LSAMP: variants seen among roughly 807,000 people sequenced by gnomAD.
The protein encoded by LSAMP is limbic system-associated membrane protein.
In LSAMP, 7 loss-of-function variants were observed where a neutral mutation model predicts 38.6. The ratio of observed to expected loss-of-function variants is 0.18; its 90% CI spans 0.10 to 0.34. The LOEUF is 0.34. Among genes scored for constraint, LSAMP ranks in the 10% least tolerant of loss-of-function variants. The pLI, the probability that LSAMP is intolerant of heterozygous loss-of-function variation, is 1.00. For missense variants in LSAMP, 313 were observed against 420.0 expected, an observed-to-expected ratio of 0.75 and a Z score of 2.23; for synonymous variants, 154 against 166.8, an observed-to-expected ratio of 0.92 and a Z score of 0.59.
At chr3:116,133,225 T>A (rs1709173241) in intron 1 of LSAMP, among the ~76,000 whole-genome samples, 1 of 152,106 alleles carries the variant, frequency 6.6e-6, no homozygotes. Context: ...ACTTGGTGAA[T>A]CTCTTTCCAC....
chr3:116,204,986 C>T lies in LSAMP; in HGVS notation c.156-118430G>A, dbSNP rs1274797015. On this transcript the variant is annotated intron_variant, in intron 1 of 6. Transcript: ENST00000490035. ...GGATGGCATTGAATCTGTAAATTAC[C>T]TTGGGCAGTATGGCCATTTTCACGA... 3.5e-5 allele frequency among the ~76,000 whole-genome samples: 5 copies of T among 143,194 alleles called. 1 individual carries two copies. Among genetic ancestry groups the T allele is most frequent in the African/African-American group, 1.3e-4 (5 of 39,374 alleles). The allele number at this position is 143,194 out of a possible 152,430, so 93.9% of individuals were successfully genotyped here.
At chr3:116,200,777 AC>A (rs1460598776) in intron 1 of LSAMP, among the ~76,000 whole-genome samples, 1 of 152,158 alleles carries the variant, frequency 6.6e-6, no homozygotes, top group Non-Finnish European at 1.5e-5. Flanking sequence ...AAGCAACCAA[AC>A]AAAAAGCAAG....
chr3:116,224,453 C>T (rs2046321035), intron 1 of LSAMP, among the ~76,000 whole-genome samples: 2 of 152,178 alleles, frequency 1.3e-5, no homozygotes, highest in African/African-American at 2.4e-5. Flanking sequence ...AACTCACTGG[C>T]AGATTGCAAT....
chr3:116,168,224 ATTATTT>A (rs1318346981), intron 1 of LSAMP, among the ~76,000 whole-genome samples: 3 of 151,572 alleles, frequency 2.0e-5, no homozygotes, highest in Admixed American at 2.0e-4. Context: ...TTTTATTATT[ATTATTT>A]TTTTTTTACT....
intron 1 of LSAMP, among the ~76,000 whole-genome samples, chr3:116,345,403 T>C (rs1340823448): frequency 1.3e-5 from 2 of 152,056 alleles, no homozygotes; most frequent in Non-Finnish European, 2.9e-5. Flanking sequence ...TCTGGAGAAA[T>C]GAGAGGAACT....
At chr3:115,911,355 G>T (rs1465706709) in intron 3 of LSAMP, among the ~76,000 whole-genome samples, 1 of 152,056 alleles carries the variant, frequency 6.6e-6, no homozygotes, top group South Asian at 2.1e-4. Context: ...CTTGTGTATG[G>T]GTTTTCATTT....
At position 116,132,120 on chromosome 3, in the gene LSAMP, G is replaced by T. The variant is rs1477824206; in HGVS notation, c.156-45564C>A. Among the ~76,000 whole-genome samples the T allele has an allele frequency of 2.0e-5, 3 of 152,046 alleles. No homozygotes were observed. In the East Asian group the frequency reaches 5.8e-4, roughly 29 times the overall value. On this transcript the variant is annotated intron_variant, in intron 1 of 6. Coordinates refer to ENST00000490035, the MANE Select transcript of LSAMP (RefSeq NM_002338.5). The stretch of plus-strand genomic sequence containing the variant: ...TGGGATTATGGGCATGAGCCACCGT[G>T]CCTGGCCTTGCTCCCAAATTTCAAA...
At chr3:116,352,336 T>G (rs755428431) in intron 1 of LSAMP, among the ~76,000 whole-genome samples, 1 of 151,998 alleles carries the variant, frequency 6.6e-6, no homozygotes, top group African/African-American at 2.4e-5. Flanking sequence ...GACAATGAGA[T>G]AGATTCAGAG....
At chr3:115,969,235 G>T (rs1938930995) in intron 3 of LSAMP, among the ~76,000 whole-genome samples, 1 of 152,150 alleles carries the variant, frequency 6.6e-6, no homozygotes, top group African/African-American at 2.4e-5. Flanking sequence ...AGGACGATTG[G>T]TGAAGGCTTC....
intron 1 of LSAMP, among the ~76,000 whole-genome samples, chr3:116,193,454 A>T (rs1202445508): frequency 1.3e-5 from 2 of 152,172 alleles, no homozygotes; most frequent in African/African-American, 4.8e-5. Flanking sequence ...GCAGGATACC[A>T]TTTGTCTTGT....
At chr3:115,947,866 G>A (rs1040707178) in intron 3 of LSAMP, among the ~76,000 whole-genome samples, 1 of 152,164 alleles carries the variant, frequency 6.6e-6, no homozygotes, top group East Asian at 1.9e-4. Flanking sequence ...TGATATAACA[G>A]CTTCCTTAGG....
chr3:116,015,089 C>T (rs1940438697), intron 3 of LSAMP, among the ~76,000 whole-genome samples: 1 of 152,140 alleles, frequency 6.6e-6, no homozygotes, highest in Non-Finnish European at 1.5e-5. Context: ...TATTTTCCCA[C>T]TCACTCCATC....
chr3:116,187,268 TA>T, intron 1 of LSAMP, among the ~76,000 whole-genome samples: 1 of 152,234 alleles, frequency 6.6e-6, no homozygotes, highest in South Asian at 2.1e-4. Flanking sequence ...AAAGATACCA[TA>T]AATTTAAGCT....
chr3:115,827,435 A>G lies in LSAMP; in HGVS notation c.919+14410T>C, dbSNP rs548658407. On this transcript the variant is annotated intron_variant, in intron 6 of 6. Transcript: ENST00000490035. ...AGGTCATACTGAGATTCCGAGGTTT[A>G]GAAGGTGGGTGCTTAAGTCAGAATC... Among the ~76,000 whole-genome samples the G allele has an allele frequency of 2.7e-5, 4 of 150,628 alleles. 1 individual carries two copies. The South Asian group carries it at 8.4e-4, about 32-fold the overall frequency.
chr3:115,988,672 C>T (rs757280496), intron 3 of LSAMP, among the ~76,000 whole-genome samples: 1 of 152,126 alleles, frequency 6.6e-6, no homozygotes, highest in African/African-American at 2.4e-5. Flanking sequence ...TGAAAATTAG[C>T]GAACTATAAA....
At chr3:116,060,263 A>G (rs1328903850) in intron 2 of LSAMP, among the ~76,000 whole-genome samples, 4 of 145,450 alleles carry the variant, frequency 2.8e-5, no homozygotes, top group African/African-American at 5.4e-5. Context: ...TGAGTTCTTT[A>G]TTTCTCGCAA....
At chr3:116,366,731 C>G (rs989236233) in intron 1 of LSAMP, among the ~76,000 whole-genome samples, 1 of 152,112 alleles carries the variant, frequency 6.6e-6, no homozygotes, top group Non-Finnish European at 1.5e-5. Flanking sequence ...ACTCTGTGCT[C>G]TTAAGGGTCG....
intron 6 of LSAMP, among the ~76,000 whole-genome samples, chr3:115,815,738 G>A (rs1050924831): frequency 6.6e-6 from 1 of 152,126 alleles, no homozygotes; most frequent in African/African-American, 2.4e-5. Context: ...GGTAATCGTG[G>A]CATTGAGAAG....
chr3:115,929,439 T>C (rs1937546619), intron 3 of LSAMP, among the ~76,000 whole-genome samples: 1 of 152,038 alleles, frequency 6.6e-6, no homozygotes, highest in Non-Finnish European at 1.5e-5. Context: ...AAATTGAATA[T>C]CCTGTACATA....
Sources: allele counts gnomAD v4.1 joint callset (sites outside exome capture counted in the v4.1 genomes callset), GRCh38; gene constraint gnomAD v4.1.1; transcripts MANE v1.5; gene names NCBI Gene and HGNC (gene_info 2026-07-23, HGNC 2026-07-21).